Variants in ANKS1B observed in about 807,000 individuals in gnomAD.
ANKS1B encodes ankyrin repeat and sterile alpha motif domain-containing protein 1B.
ANKS1B carries 36 observed loss-of-function variants against 148.3 expected under a neutral mutation model. The ratio of observed to expected loss-of-function variants is 0.24; its 90% CI spans 0.19 to 0.32. The LOEUF (loss-of-function observed/expected upper bound fraction) is 0.32, where lower values mean the gene tolerates loss of function less well. Among genes scored for constraint, ANKS1B ranks in the 10% least tolerant of loss-of-function variants. The pLI is 1.00. For synonymous variants in ANKS1B, 542 were observed against 560.8 expected, an observed-to-expected ratio of 0.97 and a Z score of 0.47; for missense variants, 1,157 against 1,542.6, an observed-to-expected ratio of 0.75 and a Z score of 4.19.
intron 1 of ANKS1B, among the ~76,000 whole-genome samples, chr12:99,872,915 A>T (rs998669172): frequency 1.3e-5 from 2 of 152,172 alleles, no homozygotes; most frequent in African/African-American, 2.4e-5. Flanking sequence ...TAGATACATT[A>T]TAAAAAGAAG....
At chr12:99,893,200 G>A (rs1353577535) in intron 1 of ANKS1B, among the ~76,000 whole-genome samples, 2 of 152,046 alleles carry the variant, frequency 1.3e-5, no homozygotes, top group African/African-American at 4.8e-5. Context: ...CACAAGGTCA[G>A]GAGATCGAGA....
intron 1 of ANKS1B, among the ~76,000 whole-genome samples, chr12:99,866,834 A>T (rs2090819033): frequency 6.6e-6 from 1 of 152,212 alleles, no homozygotes; most frequent in East Asian, 1.9e-4. Flanking sequence ...ATCTAAGGCC[A>T]TAATTTTATA....
At chr12:99,621,631 A>T (rs1315181967) in intron 9 of ANKS1B, among the ~76,000 whole-genome samples, 2 of 152,052 alleles carry the variant, frequency 1.3e-5, no homozygotes, top group Non-Finnish European at 2.9e-5. Context: ...AAAAGACTTT[A>T]AACCAACAAC....
At chr12:99,666,738 T>C (rs1024284543) in intron 8 of ANKS1B, among the ~76,000 whole-genome samples, 3 of 152,108 alleles carry the variant, frequency 2.0e-5, no homozygotes, top group Non-Finnish European at 4.4e-5. Context: ...TGGGGCATAA[T>C]TGACAAACAA....
At chr12:99,858,588 A>G (rs919020100) in intron 1 of ANKS1B, among the ~76,000 whole-genome samples, 2 of 152,230 alleles carry the variant, frequency 1.3e-5, no homozygotes, top group African/African-American at 2.4e-5. Context: ...TGTTTATAGC[A>G]GCACAATTTG....
chr12:99,359,167 TGGAAGCTCG>T (rs2092287083), intron 12 of ANKS1B, among the ~76,000 whole-genome samples: 2 of 152,146 alleles, frequency 1.3e-5, no homozygotes, highest in African/African-American at 2.4e-5. Context: ...TCATTTGGTT[TGGAAGCTCG>T]GGATGAAATA....
In ANKS1B at chr12:99,133,091, G is replaced by A. The variant is rs138856830; in HGVS notation, c.2526+21198C>T. Among the ~76,000 whole-genome samples, 583 of 133,046 alleles carry A rather than the reference G, an allele frequency of 4.4e-3. 22 individuals carry two copies. The East Asian group carries it at 0.092, about 21-fold the overall frequency. The allele number at this position is 133,046 out of a possible 152,430, so 87.3% of individuals were successfully genotyped here. On this transcript the variant is annotated intron_variant, in intron 15 of 26. Coordinates refer to ENST00000683438, the MANE Select transcript of ANKS1B (RefSeq NM_001352186.2). ...TTTTGAGACAGAGTATTGCTCTGTC[G>A]CCCAGGCTGGAGTACAGTGGTGCGA...
At chr12:98,834,874 C>T (rs1806122443) in intron 17 of ANKS1B, among the ~76,000 whole-genome samples, 1 of 152,072 alleles carries the variant, frequency 6.6e-6, no homozygotes, top group Admixed American at 6.6e-5. Context: ...ATATGATAAC[C>T]TTTTCAAAGG....
intron 15 of ANKS1B, among the ~76,000 whole-genome samples, chr12:99,091,639 A>G (rs910421280): frequency 2.0e-5 from 3 of 152,222 alleles, no homozygotes; most frequent in African/African-American, 4.8e-5. Context: ...CCAGATGCAT[A>G]TATCTGTATA....
chr12:99,631,154 C>T (rs1937698627), intron 9 of ANKS1B, among the ~76,000 whole-genome samples: 2 of 152,092 alleles, frequency 1.3e-5, no homozygotes, highest in Admixed American at 1.3e-4. Flanking sequence ...TTATAAATTA[C>T]CCAGTCTCGG....
At chr12:99,908,022 C>T (rs557140523) in intron 1 of ANKS1B, among the ~76,000 whole-genome samples, 1 of 152,178 alleles carries the variant, frequency 6.6e-6, no homozygotes, top group Non-Finnish European at 1.5e-5. Context: ...TAAGAAGAAC[C>T]TGCTAGTACT....
At chr12:99,384,875 T>C (rs1593612080) in intron 12 of ANKS1B, among the ~76,000 whole-genome samples, 2 of 152,314 alleles carry the variant, frequency 1.3e-5, no homozygotes, top group South Asian at 4.1e-4. Context: ...CTTCCCACTA[T>C]TATATTATTT....
intron 17 of ANKS1B, among the ~76,000 whole-genome samples, chr12:98,963,875 G>C (rs2099875568): frequency 6.6e-6 from 1 of 152,122 alleles, no homozygotes; most frequent in Non-Finnish European, 1.5e-5. Flanking sequence ...CGAAGCAGGT[G>C]AATCACCTGA....
intron 8 of ANKS1B, among the ~76,000 whole-genome samples, chr12:99,749,555 T>C (rs2060913411): frequency 6.6e-6 from 1 of 152,030 alleles, no homozygotes; most frequent in African/African-American, 2.4e-5. Flanking sequence ...ACATGGAAAA[T>C]CAGAAAATAA....
intron 25 of ANKS1B, among the ~76,000 whole-genome samples, chr12:98,768,720 C>A (rs1417742637): frequency 2.2e-5 from 3 of 138,364 alleles, no homozygotes. Context: ...GGCGACAGAG[C>A]GAGACTCCAT....
At chr12:99,516,864 T>C (rs757170691) in intron 9 of ANKS1B, among the ~76,000 whole-genome samples, 1 of 152,148 alleles carries the variant, frequency 6.6e-6, no homozygotes, top group Non-Finnish European at 1.5e-5. Flanking sequence ...TTCTATTCCA[T>C]TGGTCAATAT....
intron 9 of ANKS1B, among the ~76,000 whole-genome samples, chr12:99,587,007 T>C (rs1311739575): frequency 6.6e-6 from 1 of 152,088 alleles, no homozygotes; most frequent in East Asian, 1.9e-4. Flanking sequence ...TATATATATA[T>C]TTGCTACTAA....
At chr12:99,093,886 T>C (rs1190082672) in intron 15 of ANKS1B, among the ~76,000 whole-genome samples, 1 of 152,052 alleles carries the variant, frequency 6.6e-6, no homozygotes, top group East Asian at 1.9e-4. Context: ...GAGGAAGTGT[T>C]TATTCTTAAG....
intron 8 of ANKS1B, among the ~76,000 whole-genome samples, chr12:99,740,863 C>T (rs572714820): frequency 6.6e-6 from 1 of 152,148 alleles, no homozygotes; most frequent in African/African-American, 2.4e-5. Context: ...CAGTGCACTC[C>T]GGCCCAGATA....
Sources: gnomAD v4.1 joint callset for allele counts (sites outside exome capture counted in the v4.1 genomes callset) on GRCh38, gnomAD v4.1.1 for gene constraint, MANE v1.5 for transcripts, NCBI Gene and HGNC (gene_info 2026-07-23, HGNC 2026-07-21) for gene names.